The following PFKP variants were observed in gnomAD, a reference collection of about 807,000 sequenced individuals.
PFKP encodes phosphofructokinase, platelet.
PFKP carries 101 observed loss-of-function variants against 94.3 expected under a neutral mutation model. The ratio of observed to expected loss-of-function variants is 1.07; its 90% CI spans 0.91 to 1.26. The LOEUF (loss-of-function observed/expected upper bound fraction) is 1.26. Ranked by LOEUF, PFKP falls within the 50% of genes most tolerant of loss-of-function variation. The pLI, the probability that PFKP is intolerant of heterozygous loss-of-function variation, is 0.00. For missense variants in PFKP, 1,145 were observed against 1,103.3 expected (o/e 1.04, Z -0.53); for synonymous variants, 573 against 432.6 (o/e 1.32, Z -4.03).
intron 16 of PFKP, among the ~76,000 whole-genome samples, chr10:3,122,583 G>A (rs780978003): frequency 3.9e-5 from 6 of 152,362 alleles, no homozygotes; most frequent in Admixed American, 6.5e-5. Flanking sequence ...GCAACTGGAC[G>A]TGGATGGCTC....
intron 16 of PFKP, chr10:3,125,330 G>C (rs1837835693): frequency 3.0e-6 from 3 of 998,306 alleles, no homozygotes; most frequent in Non-Finnish European, 3.8e-6. Flanking sequence ...GGATGAGCCG[G>C]ATTTATTCTT....
chr10:3,114,798 G>A (rs1219421337), intron 13 of PFKP, among the ~76,000 whole-genome samples: 1 of 152,256 alleles, frequency 6.6e-6, no homozygotes, highest in African/African-American at 2.4e-5. Context: ...GCAGGGGCAG[G>A]GCCGGCTTCT....
At chr10:3,068,646 A>G in intron 1 of PFKP, 1 of 984,586 alleles carries the variant, frequency 1.0e-6, no homozygotes, top group Non-Finnish European at 1.2e-6. Context: ...TGAAGAGCGG[A>G]AGGTGGCGGA....
Position 3,108,688 on chromosome 10 carries a change from TG to T in PFKP, c.871-12del. The T allele has an allele frequency of 6.2e-7, 1 of 1,607,416 alleles. No individual in the cohort carries two copies. Among genetic ancestry groups the T allele is most frequent in the African/African-American group, 1.3e-5 (1 of 74,944 alleles). On this transcript the variant is annotated splice_polypyrimidine_tract_variant and intron_variant, in intron 8 of 21. Transcript: ENST00000381125. ...ATCACAGTTCCGCATCCTAACGAGA[TG>T]TTTCCTTGCAGCTTGTCGTCACGCA...
At chr10:3,102,483 G>T (rs1160676711) in intron 4 of PFKP, among the ~76,000 whole-genome samples, 1 of 151,646 alleles carries the variant, frequency 6.6e-6, no homozygotes, top group Non-Finnish European at 1.5e-5. Flanking sequence ...GCACGATCTC[G>T]GCTCACTGCA....
rs1839198337 is a variant in PFKP, at chr10:3,135,775, G to GA, written c.2164dup (p.Ile722AsnfsTer21). Reference sequence around the variant, plus strand: ...ACCGATGATTCCATTTGTGTGCTGGGAATAAGCAAAAGAAACGTTATTTTT... The same window carrying GA: ...ACCGATGATTCCATTTGTGTGCTGGGAAATAAGCAAAAGAAACGTTATTTTT... On this transcript the variant is annotated frameshift_variant, in exon 21 of 22. Transcript: ENST00000381125. LOFTEE classifies it high-confidence loss of function. The GA allele has an allele frequency of 1.2e-6, 2 of 1,613,534 alleles. No homozygotes were observed. The highest frequency in any genetic ancestry group is 1.3e-5 in the African/African-American group (1 of 74,998).
intron 1 of PFKP, among the ~76,000 whole-genome samples, chr10:3,074,452 C>G (rs577004639): frequency 3.5e-4 from 54 of 152,262 alleles, no homozygotes; most frequent in African/African-American, 1.2e-3. Flanking sequence ...GGGAAGCAGA[C>G]TGACTGTCTC....
intron 10 of PFKP, among the ~76,000 whole-genome samples, chr10:3,109,814 CAG>C (rs1835988173): frequency 6.6e-6 from 1 of 152,028 alleles, no homozygotes; most frequent in Non-Finnish European, 1.5e-5. Context: ...TGCAGAAGGA[CAG>C]AGTGCAGGGA....
Position 3,067,607 on chromosome 10 carries a change from C to T in PFKP, c.12C>T (p.Asp4=). 2 of 1,523,572 alleles carry T rather than the reference C, an allele frequency of 1.3e-6. No homozygotes were observed. The highest frequency in any genetic ancestry group is 1.2e-5 in the South Asian group (1 of 82,460). 94.4% of individuals were successfully genotyped at this position (1,523,572 alleles called of 1,614,324 possible). The change falls in exon 1 of 22, where the codon GAC becomes GAT. Residue 4 remains aspartate, a synonymous_variant. Transcript: ENST00000381125. ...TCGGCCTCCTCGCCATGGACGCGGA[C>T]GACTCCCGGGCCCCCAAGGGCTCCT... MDA[D]DSRAPKGSLR...
chr10:3,093,725 G>C (rs996695357), intron 2 of PFKP, among the ~76,000 whole-genome samples: 5 of 137,386 alleles, frequency 3.6e-5, no homozygotes, highest in African/African-American at 1.1e-4. Flanking sequence ...CTCACTGCAA[G>C]CTCCGCCTCC....
At chr10:3,072,674 A>T (rs1402723376) in intron 1 of PFKP, among the ~76,000 whole-genome samples, 1 of 151,952 alleles carries the variant, frequency 6.6e-6, no homozygotes, top group African/African-American at 2.4e-5. Flanking sequence ...CGAAAGAAGC[A>T]TGTTTTCCCC....
intron 1 of PFKP, among the ~76,000 whole-genome samples, chr10:3,071,431 T>TG (rs1832176915): frequency 1.8e-5 from 1 of 56,594 alleles, no homozygotes; most frequent in Non-Finnish European, 4.3e-5. Context: ...CAGGCTGTTT[T>TG]TTTTTTTTTT....
intron 16 of PFKP, among the ~76,000 whole-genome samples, chr10:3,120,458 G>A (rs1422129378): frequency 1.3e-5 from 2 of 152,052 alleles, no homozygotes; most frequent in East Asian, 3.9e-4. Flanking sequence ...CTGCCTTGAT[G>A]CTGAGGGTAG....
At chr10:3,099,003 C>T (rs1412037561) in intron 2 of PFKP, among the ~76,000 whole-genome samples, 7 of 152,140 alleles carry the variant, frequency 4.6e-5, no homozygotes, top group East Asian at 1.9e-4. Context: ...TTCAACCTCT[C>T]GGGAAACGCT....
chr10:3,096,597 T>C (rs1834498177), intron 2 of PFKP, among the ~76,000 whole-genome samples: 1 of 151,846 alleles, frequency 6.6e-6, no homozygotes, highest in Admixed American at 6.6e-5. Context: ...GTCGTGCCTC[T>C]AAGAAGGGTC....
intron 4 of PFKP, among the ~76,000 whole-genome samples, chr10:3,102,576 G>A (rs1283667005): frequency 6.6e-6 from 1 of 152,008 alleles, no homozygotes; most frequent in African/African-American, 2.4e-5. Flanking sequence ...ACCACACCCA[G>A]CTTTTTTAAA....
intron 14 of PFKP, among the ~76,000 whole-genome samples, chr10:3,118,234 T>C (rs1398845400): frequency 2.6e-5 from 4 of 152,192 alleles, no homozygotes; most frequent in Non-Finnish European, 4.4e-5. Context: ...TCTGGGAGGC[T>C]GAGGCAGGTG....
intron 16 of PFKP, among the ~76,000 whole-genome samples, chr10:3,121,793 CTTTTTTTTTCTTTTTTTTTTTTTTTT>C (rs1257633812): frequency 1.0e-5 from 1 of 96,848 alleles, no homozygotes; most frequent in Non-Finnish European, 2.0e-5. Flanking sequence ...TAAACAATTT[CTTTTTTTTTCTTTTTTTTTTTTTTTT>C]TTTTTTTTTT....
intron 2 of PFKP, among the ~76,000 whole-genome samples, chr10:3,092,436 T>G (rs997074282): frequency 6.6e-6 from 1 of 152,010 alleles, no homozygotes; most frequent in African/African-American, 2.4e-5. Flanking sequence ...TATGCTTAGA[T>G]AGGAGTAGGT....
Sources: allele counts gnomAD v4.1 joint callset (sites outside exome capture counted in the v4.1 genomes callset), GRCh38; gene constraint gnomAD v4.1.1; transcripts MANE v1.5; gene names NCBI Gene and HGNC (gene_info 2026-07-23, HGNC 2026-07-21).